The following NCAPG2 variants were observed in gnomAD, a reference collection of about 807,000 sequenced individuals.
NCAPG2 encodes the protein condensin-2 complex subunit G2.
Under a neutral mutation model 141.1 loss-of-function variants are expected in NCAPG2, and 53 were observed. The ratio of observed to expected loss-of-function variants is 0.38; its 90% confidence interval spans 0.30 to 0.47. The LOEUF is 0.47. NCAPG2 is among the 20% of genes least tolerant of loss of function. The pLI is 0.99. For missense variants in NCAPG2, 1,087 were observed against 1,389.0 expected, an observed-to-expected ratio of 0.78 and a Z score of 3.46; for synonymous variants, 499 against 490.7, an observed-to-expected ratio of 1.02 and a Z score of -0.22.
At chr7:158,637,579 C>T (rs1399227217) in intron 27 of NCAPG2, among the ~76,000 whole-genome samples, 2 of 5,152 alleles carry the variant, frequency 3.9e-4, no homozygotes, top group Admixed American at 2.5e-3. Context: ...GCTCCGGCTC[C>T]AGCAGCTCCC....
intron 27 of NCAPG2, chr7:158,641,318 T>TA (rs1299168534): frequency 7.4e-6 from 3 of 405,920 alleles, no homozygotes; most frequent in African/African-American, 6.2e-5. Flanking sequence ...ATATGGTACA[T>TA]ATGCACCAAT....
intron 16 of NCAPG2, 85 bp from the exon 17 acceptor site, chr7:158,658,493 T>C (rs1832201825): frequency 3.2e-6 from 4 of 1,232,392 alleles, no homozygotes; most frequent in Non-Finnish European, 4.4e-6. Context: ...TCCTGATAAC[T>C]TACTACCAAA....
At position 158,633,708 on chromosome 7, in the gene NCAPG2, AGAG is replaced by A. The variant is rs981666530; in HGVS notation, c.3381-1994_3381-1992del. 6.6e-6 allele frequency among the ~76,000 whole-genome samples: 1 copy of A among 152,222 alleles called. No individual in the cohort carries two copies. The highest frequency in any genetic ancestry group is 6.5e-5 in the Admixed American group (1 of 15,282). On this transcript the variant is annotated intron_variant, in intron 27 of 27. Transcript: ENST00000356309. The surrounding 1 kb of genome is among the most constrained non-coding windows in gnomAD (Gnocchi z 4.1). ...GCAGCAGTGCAGCCAGAGGCAAGAC[AGAG>A]GAGAACAGGCCCAGGAAGTCATGAA...
At chr7:158,687,162 G>A (rs1452023829) in intron 7 of NCAPG2, among the ~76,000 whole-genome samples, 186 bp downstream of exon 7, 1 of 152,146 alleles carries the variant, frequency 6.6e-6, no homozygotes, top group Non-Finnish European at 1.5e-5. Context: ...TAATTTCAGT[G>A]GTCAATACTG....
intron 17 of NCAPG2, among the ~76,000 whole-genome samples, chr7:158,657,839 ATC>A (rs1832117246): frequency 6.6e-6 from 1 of 151,912 alleles, no homozygotes; most frequent in Admixed American, 6.6e-5. Context: ...GATCCTGTTG[ATC>A]TGTGACCTTA....
intron 13 of NCAPG2, among the ~76,000 whole-genome samples, chr7:158,666,925 A>G (rs1441528568): frequency 1.3e-5 from 2 of 152,124 alleles, no homozygotes; most frequent in Non-Finnish European, 2.9e-5. Context: ...TGCATGTACA[A>G]GACCCTCCAC....
intron 11 of NCAPG2, among the ~76,000 whole-genome samples, chr7:158,678,716 A>T (rs1834256126): frequency 7.9e-6 from 1 of 126,640 alleles, no homozygotes; most frequent in African/African-American, 3.2e-5. Context: ...AATAAAATTT[A>T]AAAATAAGGA....
intron 27 of NCAPG2, among the ~76,000 whole-genome samples, chr7:158,637,205 C>T (rs1480653235): frequency 6.6e-6 from 1 of 152,168 alleles, no homozygotes; most frequent in Non-Finnish European, 1.5e-5. Context: ...CCTTGGCCTC[C>T]CAAAGTGCTG....
At chr7:158,647,618 T>C (rs556465967) in intron 24 of NCAPG2, among the ~76,000 whole-genome samples, 3 of 152,270 alleles carry the variant, frequency 2.0e-5, no homozygotes, top group African/African-American at 7.2e-5. Context: ...ATCCTACCCC[T>C]GTATCTCTCC....
At chr7:158,641,482 GGCAGAAGGATAGATT>G in intron 27 of NCAPG2, 1 of 682,380 alleles carries the variant, frequency 1.5e-6, no homozygotes, top group Non-Finnish European at 2.7e-6. Context: ...TTGGGACTGA[GGCAGAAGGATAGATT>G]GAGTCCAGGA....
intron 9 of NCAPG2, among the ~76,000 whole-genome samples, chr7:158,683,059 A>G (rs59058385): frequency 6.5e-4 from 99 of 152,314 alleles, no homozygotes; most frequent in African/African-American, 2.3e-3. Flanking sequence ...AAATCTCAAG[A>G]CAGAGAATTG....
chr7:158,652,210 A>T, intron 23 of NCAPG2, 83 bp downstream of exon 23: 1 of 1,369,256 alleles, frequency 7.3e-7, no homozygotes, highest in Non-Finnish European at 1.0e-6. Context: ...TGAACAGCAC[A>T]GCCAGGGCTG....
At chr7:158,639,397 C>G (rs559162025) in intron 27 of NCAPG2, among the ~76,000 whole-genome samples, 1 of 152,112 alleles carries the variant, frequency 6.6e-6, no homozygotes, top group Non-Finnish European at 1.5e-5. Context: ...TGTAAGCCAC[C>G]GCACCTGGCT....
chr7:158,697,128 C>A (rs1190313106), intron 2 of NCAPG2, among the ~76,000 whole-genome samples: 1 of 152,044 alleles, frequency 6.6e-6, no homozygotes, highest in Non-Finnish European at 1.5e-5. Context: ...AGAGAAATTC[C>A]TGAAGGCAAT....
rs994142602 is a variant in NCAPG2, at chr7:158,663,978, T to C, written c.1815+206A>G. Among the ~76,000 whole-genome samples the C allele has an allele frequency of 3.8e-4, 58 of 152,258 alleles. 1 individual carries two copies. Among genetic ancestry groups the C allele is most frequent in the Non-Finnish European group, 4.4e-5 (3 of 68,044 alleles). On this transcript the variant is annotated intron_variant, in intron 15 of 27. Coordinates refer to ENST00000356309, the MANE Select transcript of NCAPG2 (RefSeq NM_017760.7). ...GTGACTGGTAAGAATTTTTCTTCTG[T>C]ATTAAGTCCTACCTGAGCTCCAAAA...
At chr7:158,670,739 G>A (rs976679715) in intron 13 of NCAPG2, among the ~76,000 whole-genome samples, 4 of 152,058 alleles carry the variant, frequency 2.6e-5, no homozygotes, top group African/African-American at 9.7e-5. Flanking sequence ...AAGGAAGCCC[G>A]ACAAAAAGTT....
At chr7:158,693,748 T>C (rs1321534690) in intron 2 of NCAPG2, among the ~76,000 whole-genome samples, 1 of 152,190 alleles carries the variant, frequency 6.6e-6, no homozygotes, top group African/African-American at 2.4e-5. Flanking sequence ...GGGACCCAAA[T>C]GTCCACCATC....
At position 158,690,979 on chromosome 7, in the gene NCAPG2, CTCAGAGAAA is replaced by C. The variant is rs368028056; in HGVS notation, c.383-266_383-258del. Among the ~76,000 whole-genome samples, 964 of 152,266 alleles carry C rather than the reference CTCAGAGAAA, an allele frequency of 6.3e-3. 10 individuals carry two copies. Among genetic ancestry groups the C allele is most frequent in the African/African-American group, 0.021 (892 of 41,546 alleles). On this transcript the variant is annotated intron_variant, in intron 4 of 27. Transcript: ENST00000356309. ...AAAAGAGATTTTTGGAACTGGAAGTCTCAGAGAAATCGTATCACCAATTTTAGAAAGGCA... is the reference window on the plus strand; with the variant it reads ...AAAAGAGATTTTTGGAACTGGAAGTCTCGTATCACCAATTTTAGAAAGGCA...
In NCAPG2 at chr7:158,657,566, C is replaced by T. The variant is rs543111423; in HGVS notation, c.2060+772G>A. ...CCCCCACCCGGCCAGCCGCCCCGTC[C>T]GGGAGGTGAGGGGTGCCTCTGCCTG... On this transcript the variant is annotated intron_variant, in intron 17 of 27. Coordinates refer to ENST00000356309, the MANE Select transcript of NCAPG2 (RefSeq NM_017760.7). 1.6e-3 allele frequency among the ~76,000 whole-genome samples: 245 copies of T among 152,306 alleles called. 1 individual carries two copies. In the Middle Eastern group the frequency reaches 0.017, roughly 11 times the overall value.
Sources: allele counts gnomAD v4.1 joint callset (sites outside exome capture counted in the v4.1 genomes callset), GRCh38; gene constraint gnomAD v4.1.1; non-coding constraint Gnocchi (gnomAD v3.1); transcripts MANE v1.5; gene names NCBI Gene and HGNC (gene_info 2026-07-23, HGNC 2026-07-21).